SOX5: variants seen among roughly 807,000 people sequenced by gnomAD.
SOX5 encodes transcription factor SOX-5.
In SOX5, 9 loss-of-function variants were observed where a neutral mutation model predicts 92.0. The ratio of observed to expected loss-of-function variants is 0.10; its 90% CI spans 0.06 to 0.17. SOX5 has a LOEUF of 0.17. Ranked by LOEUF, SOX5 falls within the 10% of genes least tolerant of loss-of-function variation. The probability of loss-of-function intolerance (pLI) is 1.00; values close to 1 mark genes in which losing one functional copy is unlikely to be tolerated. For synonymous variants in SOX5, 344 were observed against 336.3 expected (o/e 1.02, Z -0.25); for missense variants, 642 against 944.5 (o/e 0.68, Z 4.20).
chr12:24,414,415 T>A (rs758949208), intron 1 of SOX5, among the ~76,000 whole-genome samples: 1 of 152,252 alleles, frequency 6.6e-6, no homozygotes, highest in Non-Finnish European at 1.5e-5. Context: ...GTATTGTTTA[T>A]ATTCCAGGGA....
rs77030525 is a variant in SOX5 at position 23,616,590 on chromosome 12, T to G, written c.1018-12057A>C. 7.2e-3 allele frequency among the ~76,000 whole-genome samples: 1,096 copies of G among 152,266 alleles called. 8 individuals are homozygous for G. Among genetic ancestry groups the G allele is most frequent in the African/African-American group, 0.025 (1,038 of 41,546 alleles). ...AAATCTTTTGTATTTGTACACAAATTCTAATGAAACTTGATGGCAAGAAAA... is the reference window on the plus strand; with the variant it reads ...AAATCTTTTGTATTTGTACACAAATGCTAATGAAACTTGATGGCAAGAAAA... On this transcript the variant is annotated intron_variant, in intron 8 of 14. Coordinates refer to ENST00000451604, the MANE Select transcript of SOX5 (RefSeq NM_006940.6).
chr12:23,556,556 C>T (rs2136237416), intron 11 of SOX5, among the ~76,000 whole-genome samples: 1 of 152,306 alleles, frequency 6.6e-6, no homozygotes, highest in South Asian at 2.1e-4. Context: ...CTTTACCACA[C>T]TGTTGCAAAG....
intron 1 of SOX5, among the ~76,000 whole-genome samples, chr12:24,412,594 CTCTT>C (rs778353337): frequency 2.0e-5 from 3 of 151,832 alleles, no homozygotes; most frequent in East Asian, 1.9e-4. Flanking sequence ...TTTTCCTGTT[CTCTT>C]TCTGTTATTG....
At chr12:24,455,504 T>C (rs745546585) in intron 1 of SOX5, among the ~76,000 whole-genome samples, 19 of 152,220 alleles carry the variant, frequency 1.2e-4, no homozygotes, top group Non-Finnish European at 1.6e-4. Flanking sequence ...AAAAAGTCTG[T>C]CCTTCTATAA....
chr12:24,556,388 G>A (rs1468200635), intron 1 of SOX5, among the ~76,000 whole-genome samples: 1 of 152,070 alleles, frequency 6.6e-6, no homozygotes, highest in African/African-American at 2.4e-5. Context: ...TTCAAATCAG[G>A]CAATGGTATG....
intron 1 of SOX5, among the ~76,000 whole-genome samples, chr12:23,907,479 C>G (rs886386462): frequency 6.6e-6 from 1 of 152,066 alleles, no homozygotes; most frequent in South Asian, 2.1e-4. Flanking sequence ...AAAACTCCTT[C>G]CAATTTTTAA....
chr12:23,759,504 A>G (rs1423857088), intron 3 of SOX5, among the ~76,000 whole-genome samples: 1 of 152,060 alleles, frequency 6.6e-6, no homozygotes, highest in Non-Finnish European at 1.5e-5. Flanking sequence ...GAGCTTCAAA[A>G]AAATCCACAT....
intron 6 of SOX5, among the ~76,000 whole-genome samples, chr12:23,709,839 G>T (rs1385931129): frequency 6.6e-6 from 1 of 152,106 alleles, no homozygotes; most frequent in Admixed American, 6.6e-5. Context: ...TTAGCTTTAA[G>T]GTTGACATAT....
chr12:24,320,693 G>A (rs992918633), intron 2 of SOX5, among the ~76,000 whole-genome samples: 3 of 151,708 alleles, frequency 2.0e-5, no homozygotes, highest in East Asian at 1.9e-4. Context: ...GTGAAACCTC[G>A]TCTCTACTAA....
At chr12:24,224,761 C>T (rs964880079) in intron 3 of SOX5, among the ~76,000 whole-genome samples, 7 of 152,130 alleles carry the variant, frequency 4.6e-5, no homozygotes, top group Admixed American at 1.3e-4. Flanking sequence ...GATGTTTCTA[C>T]TTCATTATTT....
At chr12:24,396,157 G>T (rs1959899582) in intron 1 of SOX5, among the ~76,000 whole-genome samples, 1 of 152,182 alleles carries the variant, frequency 6.6e-6, no homozygotes, top group Non-Finnish European at 1.5e-5. Flanking sequence ...AAAGGCTAAG[G>T]TTACTGGTGC....
chr12:24,234,701 GGCTTATA>G (rs1196676947), intron 3 of SOX5, among the ~76,000 whole-genome samples: 1 of 152,100 alleles, frequency 6.6e-6, no homozygotes, highest in Non-Finnish European at 1.5e-5. Context: ...ACCTTTTGAT[GGCTTATA>G]GTTATGCTAA....
intron 1 of SOX5, among the ~76,000 whole-genome samples, chr12:24,425,024 G>A (rs1812727122): frequency 6.6e-6 from 1 of 152,058 alleles, no homozygotes; most frequent in Admixed American, 6.6e-5. Context: ...GAAATAGGGG[G>A]GAGAGAGACA....
chr12:24,516,432 C>T (rs1284009894), intron 1 of SOX5, among the ~76,000 whole-genome samples: 1 of 152,050 alleles, frequency 6.6e-6, no homozygotes, highest in Non-Finnish European at 1.5e-5. Flanking sequence ...TTATTGCCCT[C>T]AACATAAACA....
At chr12:23,975,933 A>G (rs1038522884) in intron 4 of SOX5, among the ~76,000 whole-genome samples, 12 of 152,152 alleles carry the variant, frequency 7.9e-5, no homozygotes, top group Non-Finnish European at 1.5e-4. Flanking sequence ...TATAATTAGT[A>G]TATTTCTTCT....
intron 3 of SOX5, chr12:24,237,697 T>C (rs908021247): frequency 6.6e-6 from 1 of 152,236 alleles, no homozygotes; most frequent in African/African-American, 2.4e-5. Flanking sequence ...TTATTTTGTT[T>C]GCTATTGATA....
chr12:23,796,241 T>C (rs1342024908), intron 3 of SOX5, among the ~76,000 whole-genome samples: 1 of 152,106 alleles, frequency 6.6e-6, no homozygotes, highest in Non-Finnish European at 1.5e-5. Context: ...ATAGTAAACA[T>C]TGCAATGTAA....
At chr12:24,348,238 T>A (rs543659630) in intron 2 of SOX5, among the ~76,000 whole-genome samples, 1 of 152,102 alleles carries the variant, frequency 6.6e-6, no homozygotes, top group Admixed American at 6.5e-5. Flanking sequence ...TCTTTGGAAA[T>A]AAAGCCAAAA....
rs528692235 is a variant in SOX5 at position 24,084,548 on chromosome 12, A to G, written c.-2+128795T>C. 3.3e-5 allele frequency among the ~76,000 whole-genome samples: 5 copies of G among 152,240 alleles called. No homozygotes were observed. The East Asian group carries it at 9.6e-4, about 29-fold the overall frequency. ...AATCTTAGTTTAAAAATAGTCCTCTATACATTTCATTTCAGAATCCATTAT... is the reference window on the plus strand; with the variant it reads ...AATCTTAGTTTAAAAATAGTCCTCTGTACATTTCATTTCAGAATCCATTAT... On this transcript the variant is annotated intron_variant, in intron 4 of 4. Coordinates refer to the SOX5 transcript ENST00000446891.
Sources: allele counts gnomAD v4.1 joint callset (sites outside exome capture counted in the v4.1 genomes callset), GRCh38; gene constraint gnomAD v4.1.1; transcripts MANE v1.5; gene names NCBI Gene and HGNC (gene_info 2026-07-23, HGNC 2026-07-21).